XPNPEP3: variants seen among roughly 807,000 people sequenced by gnomAD.
The protein encoded by XPNPEP3 is xaa-Pro aminopeptidase 3.
XPNPEP3 carries 41 observed loss-of-function variants against 60.0 expected under a neutral mutation model. The ratio of observed to expected loss-of-function variants is 0.68; its 90% CI spans 0.53 to 0.89. The LOEUF is 0.89. Among genes scored for constraint, XPNPEP3 ranks in the 40% least tolerant of loss-of-function variants. The pLI is 0.00. For missense variants in XPNPEP3, 598 were observed against 638.9 expected, an observed-to-expected ratio of 0.94 and a Z score of 0.69; for synonymous variants, 212 against 223.2, an observed-to-expected ratio of 0.95 and a Z score of 0.45.
At chr22:40,902,328 G>A (rs1236701473) in intron 4 of XPNPEP3, among the ~76,000 whole-genome samples, 5 of 143,422 alleles carry the variant, frequency 3.5e-5, no homozygotes, top group Admixed American at 7.3e-5. Context: ...TTGGCTTACT[G>A]CAAGCTCCAC....
intron 4 of XPNPEP3, among the ~76,000 whole-genome samples, chr22:40,886,720 G>C (rs992452514): frequency 2.0e-5 from 3 of 151,324 alleles, no homozygotes; most frequent in African/African-American, 7.3e-5. Context: ...CCAGCTACTC[G>C]GTAGGCTGAG....
At chr22:40,876,268 T>C (rs1025284567) in intron 2 of XPNPEP3, among the ~76,000 whole-genome samples, 1 of 152,234 alleles carries the variant, frequency 6.6e-6, no homozygotes, top group African/African-American at 2.4e-5. Context: ...ATTTCATTTG[T>C]TGTCATAATA....
At position 40,907,579 on chromosome 22, in the gene XPNPEP3, CTT is replaced by C; in HGVS notation, c.793-6_793-5del. The C allele has an allele frequency of 6.2e-7, 1 of 1,613,478 alleles. No individual in the cohort carries two copies. Among genetic ancestry groups the C allele is most frequent in the Non-Finnish European group, 8.5e-7 (1 of 1,179,420 alleles). On this transcript the variant is annotated splice_region_variant and splice_polypyrimidine_tract_variant and intron_variant, in intron 4 of 9. Coordinates refer to ENST00000357137, the MANE Select transcript of XPNPEP3 (RefSeq NM_022098.4). Reference sequence around the variant, plus strand: ...TCGTGTTCTTTTCATCCTCCTTTCTCTTTGCAGGCTTTCATAGAAACCATGTT... The same window carrying C: ...TCGTGTTCTTTTCATCCTCCTTTCTCTGCAGGCTTTCATAGAAACCATGTT...
chr22:40,870,538 A>C (rs1175823317), intron 2 of XPNPEP3, among the ~76,000 whole-genome samples: 1 of 152,192 alleles, frequency 6.6e-6, no homozygotes, highest in Non-Finnish European at 1.5e-5. Context: ...GGATGGAAGT[A>C]GATGGAATTT....
intron 4 of XPNPEP3, among the ~76,000 whole-genome samples, chr22:40,906,327 G>A (rs1487163502): frequency 1.3e-5 from 2 of 151,736 alleles, no homozygotes; most frequent in East Asian, 3.9e-4. Flanking sequence ...AGGCTAAGGC[G>A]GGAGGATCAC....
intron 3 of XPNPEP3, among the ~76,000 whole-genome samples, chr22:40,883,929 G>A (rs765002760): frequency 1.2e-4 from 18 of 152,130 alleles, no homozygotes; most frequent in South Asian, 2.1e-4. Context: ...TAAAGTTTTT[G>A]TTTGATTTTT....
chr22:40,901,208 G>A (rs2058131252), intron 4 of XPNPEP3, among the ~76,000 whole-genome samples: 2 of 149,990 alleles, frequency 1.3e-5, no homozygotes, highest in Admixed American at 1.3e-4. Context: ...TATCTGATAA[G>A]GTTCTAGTAT....
chr22:40,881,977 C>T lies in XPNPEP3; in HGVS notation c.389C>T (p.Pro130Leu). 1 of 1,614,112 alleles carries T rather than the reference C, an allele frequency of 6.2e-7. No individual in the cohort carries two copies. Among genetic ancestry groups the T allele is most frequent in the African/African-American group, 1.3e-5 (1 of 75,022 alleles). Reference sequence around the variant, plus strand: ...CTGTACCTATGTGGATTCCAAGAGCCTGATAGCATTCTTGTCCTTCAGAGC... The same window carrying T: ...CTGTACCTATGTGGATTCCAAGAGCTTGATAGCATTCTTGTCCTTCAGAGC... ...NFLYLCGFQEPDSILVLQSLP... is the reference protein window; with the variant it reads ...NFLYLCGFQELDSILVLQSLP... The change falls in exon 3 of 10, where the codon CCT becomes CTT. Residue 130 changes from proline to leucine, a missense_variant. Physicochemically the swap from Pro to Leu is moderately conservative, Grantham distance 98. Coordinates refer to ENST00000357137, the MANE Select transcript of XPNPEP3 (RefSeq NM_022098.4).
At chr22:40,868,788 A>G (rs1270870397) in intron 1 of XPNPEP3, among the ~76,000 whole-genome samples, 1 of 152,006 alleles carries the variant, frequency 6.6e-6, no homozygotes, top group African/African-American at 2.4e-5. Context: ...TGGAGGTTGC[A>G]GTGAGCCGAG....
intron 7 of XPNPEP3, among the ~76,000 whole-genome samples, chr22:40,921,464 C>T (rs1601521599): frequency 7.4e-6 from 1 of 135,580 alleles, no homozygotes; most frequent in Non-Finnish European, 1.6e-5. Flanking sequence ...CCAACCTGGG[C>T]AACATAGTGA....
chr22:40,902,665 G>T (rs1463059935), intron 4 of XPNPEP3, among the ~76,000 whole-genome samples: 6 of 152,202 alleles, frequency 3.9e-5, no homozygotes, highest in African/African-American at 1.2e-4. Flanking sequence ...TTACAGGCGT[G>T]AGCCACCAGG....
intron 1 of XPNPEP3, chr22:40,861,523 T>C (rs761010731): frequency 1.2e-6 from 2 of 1,613,874 alleles, no homozygotes; most frequent in Non-Finnish European, 1.7e-6. Flanking sequence ...CCCTGTGATG[T>C]ATATCCTGTA....
chr22:40,878,306 ATAAT>A (rs1173689170), intron 2 of XPNPEP3, among the ~76,000 whole-genome samples: 1 of 152,052 alleles, frequency 6.6e-6, no homozygotes, highest in Admixed American at 6.6e-5. Context: ...AATAGTGTTG[ATAAT>A]TAATAGGTTT....
At chr22:40,861,889 G>T (rs561520701) in intron 1 of XPNPEP3, 2 of 1,613,650 alleles carry the variant, frequency 1.2e-6, no homozygotes, top group African/African-American at 2.7e-5. Context: ...TTATTTTCTG[G>T]ATTTTTATCA....
intron 1 of XPNPEP3, chr22:40,862,388 ACCT>A: frequency 2.0e-6 from 2 of 994,290 alleles, no homozygotes; most frequent in Non-Finnish European, 2.4e-6. Flanking sequence ...GCATAATATG[ACCT>A]CTAGATTACT....
chr22:40,889,513 C>T (rs918330144), intron 4 of XPNPEP3, among the ~76,000 whole-genome samples: 1 of 152,208 alleles, frequency 6.6e-6, no homozygotes, highest in Non-Finnish European at 1.5e-5. Flanking sequence ...CTTCACTTCT[C>T]AATATCATAT....
Position 40,862,417 on chromosome 22 carries a change from C to T in XPNPEP3, c.64+5172C>T, listed in dbSNP as rs557326230. ...CTAGATTACTGCGCCTTAATTGCTT[C>T]CCAGCTCTTCTATGCTTTGGTTTAG... is the stretch of plus-strand genomic sequence containing the variant. On this transcript the variant is annotated intron_variant, in intron 1 of 9. Coordinates refer to ENST00000357137, the MANE Select transcript of XPNPEP3 (RefSeq NM_022098.4). The T allele has an allele frequency of 5.1e-6, 5 of 989,016 alleles. 1 individual carries two copies. In the South Asian group the frequency reaches 2.3e-4, roughly 46 times the overall value. 61.3% of individuals were successfully genotyped at this position (989,016 alleles called of 1,614,324 possible).
intron 4 of XPNPEP3, among the ~76,000 whole-genome samples, chr22:40,905,330 C>T (rs1376816872): frequency 6.6e-6 from 1 of 151,986 alleles, no homozygotes; most frequent in Non-Finnish European, 1.5e-5. Flanking sequence ...ACCACCGCCT[C>T]GGCCGCCTGA....
chr22:40,874,313 T>C (rs1288956577), intron 2 of XPNPEP3, among the ~76,000 whole-genome samples: 2 of 152,130 alleles, frequency 1.3e-5, no homozygotes, highest in African/African-American at 4.8e-5. Flanking sequence ...TGGAAGTGGT[T>C]TGAACCTGCC....
Sources: gnomAD v4.1 joint callset for allele counts (sites outside exome capture counted in the v4.1 genomes callset) on GRCh38, gnomAD v4.1.1 for gene constraint, MANE v1.5 for transcripts, NCBI Gene and HGNC (gene_info 2026-07-23, HGNC 2026-07-21) for gene names.